The following MIOS variants were observed in gnomAD, a reference collection of about 807,000 sequenced individuals.
The protein encoded by MIOS is GATOR2 complex protein MIOS.
In MIOS, 52 loss-of-function variants were observed where a neutral mutation model predicts 96.9. That is an observed-to-expected ratio of 0.54 (90% CI 0.43 to 0.68). The LOEUF (loss-of-function observed/expected upper bound fraction) is 0.68. Ranked by LOEUF, MIOS falls within the 30% of genes least tolerant of loss-of-function variation. The pLI, the probability that MIOS is intolerant of heterozygous loss-of-function variation, is 0.00. For missense variants in MIOS, 1,005 were observed against 1,052.8 expected, an observed-to-expected ratio of 0.95 and a Z score of 0.63; for synonymous variants, 397 against 359.5, an observed-to-expected ratio of 1.10 and a Z score of -1.18.
chr7:7,593,718 A>AC (rs58339655), intron 9 of MIOS, among the ~76,000 whole-genome samples: 31,588 of 150,892 alleles, frequency 0.21, 3,793 homozygotes, highest in African/African-American at 0.33. Flanking sequence ...ACATGGTGAA[A>AC]CCCCATCTCT....
intron 11 of MIOS, among the ~76,000 whole-genome samples, chr7:7,603,380 C>G (rs1416532172): frequency 6.6e-6 from 1 of 152,068 alleles, no homozygotes; most frequent in Non-Finnish European, 1.5e-5. Context: ...AAAAAAACAA[C>G]CCCATCAAAA....
chr7:7,572,391 T>C lies in MIOS; in HGVS notation c.-40-45T>C, dbSNP rs1434400010. ...AATAGTTTATTCAACGTAAGAATTATATTTTGCTGATATTTTAAAACTTTT... is the reference window on the plus strand; with the variant it reads ...AATAGTTTATTCAACGTAAGAATTACATTTTGCTGATATTTTAAAACTTTT... On this transcript the variant is annotated intron_variant, in intron 3 of 12. Coordinates refer to ENST00000340080, the MANE Select transcript of MIOS (RefSeq NM_019005.4). The surrounding 1 kb of genome is among the most constrained non-coding windows in gnomAD (Gnocchi z 4.8). The C allele has an allele frequency of 2.0e-6, 2 of 985,334 alleles. No individual in the cohort carries two copies. The highest frequency in any genetic ancestry group is 2.9e-6 in the Non-Finnish European group (2 of 679,396). The allele number at this position is 985,334 out of a possible 1,614,324, so 61.0% of individuals were successfully genotyped here. A position where few individuals can be genotyped will look rare whatever the true frequency, so the allele number is the denominator to read the frequency against.
intron 9 of MIOS, 89 bp from the exon 10 acceptor site, chr7:7,594,891 T>C (rs765062154): frequency 1.0e-6 from 1 of 977,666 alleles, no homozygotes; most frequent in Non-Finnish European, 1.4e-6. Context: ...CTATTTCTTC[T>C]GTGTTACTCA....
At position 7,588,572 on chromosome 7, in the gene MIOS, T is replaced by G; in HGVS notation, c.1884+9T>G. 1 of 1,555,612 alleles carries G rather than the reference T, an allele frequency of 6.4e-7. No individual in the cohort carries two copies. The highest frequency in any genetic ancestry group is 8.8e-7 in the Non-Finnish European group (1 of 1,142,778). On this transcript the variant is annotated intron_variant, in intron 8 of 12. Coordinates refer to ENST00000340080, the MANE Select transcript of MIOS (RefSeq NM_019005.4). ...TCCTTAGTGATACTCAGGTGAAAAC[T>G]GATTTAATTCCACATTTGAAGTAAT...
At chr7:7,569,888 C>T (rs1018274537) in intron 3 of MIOS, among the ~76,000 whole-genome samples, 2 of 152,094 alleles carry the variant, frequency 1.3e-5, no homozygotes, top group Non-Finnish European at 2.9e-5. Flanking sequence ...GGTATATACT[C>T]TAGGAAGTGG....
chr7:7,586,442 C>T (rs1783889826), intron 7 of MIOS, among the ~76,000 whole-genome samples: 1 of 152,154 alleles, frequency 6.6e-6, no homozygotes, highest in African/African-American at 2.4e-5. Context: ...GATTTGCTTA[C>T]CAGTTTTAGC....
chr7:7,607,090 T>G lies in MIOS; in HGVS notation c.2626T>G (p.Ter876GluextTer15). ...GGTACCTGCAGAGACTGTCCAGCCATAAAATGTTACCACCTTAAGAGAACC... is the reference window on the plus strand; with the variant it reads ...GGTACCTGCAGAGACTGTCCAGCCAGAAAATGTTACCACCTTAAGAGAACC... ...NLVPAETVQP[*>E] The change falls in exon 13 of 13, where the codon TAA (stop) becomes GAA (glutamate). Residue 876 changes from the stop codon to glutamate, a stop_lost. Coordinates refer to ENST00000340080, the MANE Select transcript of MIOS (RefSeq NM_019005.4). The G allele has an allele frequency of 6.2e-7, 1 of 1,608,654 alleles. No homozygotes were observed. Among genetic ancestry groups the G allele is most frequent in the Non-Finnish European group, 8.5e-7 (1 of 1,177,730 alleles).
Position 7,573,700 on chromosome 7 carries a change from G to A in MIOS, c.1225G>A (p.Val409Met). 1.2e-6 allele frequency: 2 copies of A among 1,613,344 alleles called. No individual in the cohort carries two copies. The highest frequency in any genetic ancestry group is 1.7e-6 in the Non-Finnish European group (2 of 1,179,590). Residue 409 changes from valine (V) to methionine (M), a missense_variant, in exon 4 of 13, where the codon GTG becomes ATG. Val to Met is a conservative substitution (Grantham distance 21, BLOSUM62 1). Coordinates refer to ENST00000340080, the MANE Select transcript of MIOS (RefSeq NM_019005.4). The surrounding 1 kb of genome is among the most constrained non-coding windows in gnomAD (Gnocchi z 5.0). ...LSRYGLDTEQVWRNHILAGNE... is the reference protein window; with the variant it reads ...LSRYGLDTEQMWRNHILAGNE... ...AAGGTATGGACTTGATACAGAGCAG[G>A]TGTGGAGGAACCACATTTTAGCTGG...
chr7:7,583,321 G>A lies in MIOS; in HGVS notation c.1597G>A (p.Asp533Asn), dbSNP rs1783788758. Residue 533 changes from aspartate (D) to asparagine (N), a missense_variant, in exon 6 of 13, where the codon GAT becomes AAT. Physicochemically the swap from Asp to Asn is conservative, Grantham distance 23 (BLOSUM62 1). Coordinates refer to ENST00000340080, the MANE Select transcript of MIOS (RefSeq NM_019005.4). ...TGCTGCTGTGGCATTGTTCAACTTG[G>A]ATATTCGCCGAGCAATCCAAATCCT... ...RAAAVALFNL[D>N]IRRAIQILNE... 2 of 1,613,852 alleles carry A rather than the reference G, an allele frequency of 1.2e-6. No individual in the cohort carries two copies. The highest frequency in any genetic ancestry group is 1.1e-5 in the South Asian group (1 of 91,026).
chr7:7,601,142 A>G (rs183298009), intron 11 of MIOS, among the ~76,000 whole-genome samples: 4 of 152,336 alleles, frequency 2.6e-5, no homozygotes, highest in Admixed American at 2.0e-4. Flanking sequence ...ACACCCTAAC[A>G]TCACAATTGA....
chr7:7,570,938 A>T lies in MIOS; in HGVS notation c.-40-1498A>T, dbSNP rs963916468. On this transcript the variant is annotated intron_variant, in intron 3 of 12. Transcript: ENST00000340080. ...GAGTTGGGGACCCCTGGTCTAAATT[A>T]TATGAGTCTATGAAGTTTTAGACTG... Among the ~76,000 whole-genome samples the T allele has an allele frequency of 4.6e-5, 7 of 152,194 alleles. No individual in the cohort carries two copies. The East Asian group carries it at 1.3e-3, about 29-fold the overall frequency.
chr7:7,597,468 T>TTA (rs1160646084), intron 11 of MIOS, among the ~76,000 whole-genome samples: 14 of 11,690 alleles, frequency 1.2e-3, no homozygotes, highest in South Asian at 2.4e-3. Flanking sequence ...CCTAGTAAAT[T>TTA]TATATATATA....
intron 3 of MIOS, among the ~76,000 whole-genome samples, chr7:7,571,048 G>A (rs1563011299): frequency 6.6e-6 from 1 of 152,218 alleles, no homozygotes; most frequent in Non-Finnish European, 1.5e-5. Flanking sequence ...CTTATTAGGA[G>A]TCTATGCCAG....
In MIOS at chr7:7,593,315, G is replaced by A. The variant is rs138230621; in HGVS notation, c.2044-1665G>A. Among the ~76,000 whole-genome samples, 3 of 152,220 alleles carry A rather than the reference G, an allele frequency of 2.0e-5. No homozygotes were observed. In the East Asian group the frequency reaches 5.8e-4, roughly 29 times the overall value. On this transcript the variant is annotated intron_variant, in intron 9 of 12. Transcript: ENST00000340080. ...GTTCTTTTAGCTAAATTTAACTCTG[G>A]TAATTAACACTGAATTTAATAGATG...
intron 11 of MIOS, among the ~76,000 whole-genome samples, chr7:7,601,570 G>A (rs1241020105): frequency 6.6e-6 from 1 of 152,160 alleles, no homozygotes; most frequent in South Asian, 2.1e-4. Flanking sequence ...TGAAATTGAG[G>A]CAATCCTTAA....
In MIOS at chr7:7,608,352, C is replaced by T. The variant is rs896040683; in HGVS notation, c.*1260C>T. On this transcript the variant is annotated 3_prime_UTR_variant, in exon 13 of 13. Transcript: ENST00000340080. Reference sequence around the variant, plus strand: ...ATAAAACAAGAATTTTAAGAGCTTTCGTATTAGCAGTTTTGCCTTATAAAA... The same window carrying T: ...ATAAAACAAGAATTTTAAGAGCTTTTGTATTAGCAGTTTTGCCTTATAAAA... 2.0e-5 allele frequency: 3 copies of T among 152,020 alleles called. No homozygotes were observed. The highest frequency in any genetic ancestry group is 7.2e-5 in the African/African-American group (3 of 41,514). 9.4% of individuals were successfully genotyped at this position (152,020 alleles called of 1,614,324 possible). A position where few individuals can be genotyped will look rare whatever the true frequency, so the allele number is the denominator to read the frequency against.
At chr7:7,600,889 A>G (rs916181450) in intron 11 of MIOS, among the ~76,000 whole-genome samples, 24 of 152,218 alleles carry the variant, frequency 1.6e-4, no homozygotes, top group Non-Finnish European at 2.8e-4. Context: ...AGTGCAATCA[A>G]ACTAGAACTC....
chr7:7,603,999 G>A (rs1009200512), intron 11 of MIOS, among the ~76,000 whole-genome samples: 2 of 151,558 alleles, frequency 1.3e-5, no homozygotes, highest in East Asian at 1.9e-4. Context: ...ACTGACAGGC[G>A]GGAATTGAAC....
intron 9 of MIOS, among the ~76,000 whole-genome samples, chr7:7,594,033 T>G (rs1784130875): frequency 6.6e-6 from 1 of 152,082 alleles, no homozygotes. Context: ...AACTCTAAAG[T>G]AAATTTAACT....
Sources: gnomAD v4.1 joint callset for allele counts (sites outside exome capture counted in the v4.1 genomes callset) on GRCh38, gnomAD v4.1.1 for gene constraint, Gnocchi (gnomAD v3.1) non-coding constraint, MANE v1.5 for transcripts, NCBI Gene and HGNC (gene_info 2026-07-23, HGNC 2026-07-21) for gene names.